The following CEP128 variants were observed in gnomAD, a reference collection of about 807,000 sequenced individuals.
The protein encoded by CEP128 is centrosomal protein 128kDa.
CEP128 carries 132 observed loss-of-function variants against 156.7 expected under a neutral mutation model. That is an observed-to-expected ratio of 0.84 (90% confidence interval 0.73 to 0.97). CEP128 has a LOEUF of 0.97. Ranked by LOEUF, CEP128 falls within the 50% of genes least tolerant of loss-of-function variation. The pLI is 0.00. For missense variants in CEP128, 1,252 were observed against 1,281.9 expected, an observed-to-expected ratio of 0.98 and a Z score of 0.36; for synonymous variants, 469 against 448.9, an observed-to-expected ratio of 1.04 and a Z score of -0.57.
chr14:80,748,707 G>A (rs1171023439), intron 18 of CEP128, among the ~76,000 whole-genome samples: 1 of 152,154 alleles, frequency 6.6e-6, no homozygotes, highest in African/African-American at 2.4e-5. Context: ...GTGTTACCCT[G>A]TGTACTCTCA....
chr14:80,819,336 T>A (rs1448815800), intron 13 of CEP128, among the ~76,000 whole-genome samples: 1 of 142,796 alleles, frequency 7.0e-6, no homozygotes, highest in African/African-American at 2.6e-5. Flanking sequence ...AACCTCCGTC[T>A]CCCGGGTTCA....
chr14:80,763,841 T>C (rs1045008385), intron 16 of CEP128, among the ~76,000 whole-genome samples: 8 of 152,292 alleles, frequency 5.3e-5, no homozygotes, highest in Non-Finnish European at 1.0e-4. Context: ...CTTATAACCT[T>C]GGAGGCTACT....
At chr14:80,542,016 G>C (rs1368014949) in intron 21 of CEP128, among the ~76,000 whole-genome samples, 1 of 152,218 alleles carries the variant, frequency 6.6e-6, no homozygotes, top group Non-Finnish European at 1.5e-5. Context: ...CATGTAAAGT[G>C]CTTAGAGCAG....
At chr14:80,781,635 G>T (rs1043227582) in intron 15 of CEP128, among the ~76,000 whole-genome samples, 5 of 151,998 alleles carry the variant, frequency 3.3e-5, no homozygotes, top group Non-Finnish European at 7.4e-5. Flanking sequence ...AGTATCCGGG[G>T]GGCTAAAGGA....
At chr14:80,920,221 T>C (rs926345788) in intron 2 of CEP128, among the ~76,000 whole-genome samples, 2 of 152,196 alleles carry the variant, frequency 1.3e-5, no homozygotes, top group Non-Finnish European at 2.9e-5. Flanking sequence ...AGAAGGCAGC[T>C]ATAGTGGCAG....
At chr14:80,779,495 T>G (rs1395626214) in intron 15 of CEP128, among the ~76,000 whole-genome samples, 2 of 152,234 alleles carry the variant, frequency 1.3e-5, no homozygotes, top group Non-Finnish European at 2.9e-5. Context: ...ATGCTTTTAC[T>G]TTTCTTTATG....
At chr14:80,549,787 G>T (rs188153576) in intron 21 of CEP128, among the ~76,000 whole-genome samples, 171 of 152,180 alleles carry the variant, frequency 1.1e-3, no homozygotes, top group Non-Finnish European at 1.9e-3. Flanking sequence ...CTTCAACTTC[G>T]GTGCCTGTAG....
chr14:80,733,153 C>T (rs970610444), intron 19 of CEP128, among the ~76,000 whole-genome samples: 2 of 152,148 alleles, frequency 1.3e-5, no homozygotes, highest in African/African-American at 2.4e-5. Flanking sequence ...TCTGCATGAA[C>T]GTCTTCAAAC....
At chr14:80,926,483 T>G (rs1240545104) in intron 2 of CEP128, among the ~76,000 whole-genome samples, 2 of 152,150 alleles carry the variant, frequency 1.3e-5, no homozygotes, top group African/African-American at 4.8e-5. Context: ...CTAATCCCCA[T>G]TGGAGCCACT....
At chr14:80,670,891 T>C (rs7146399) in intron 19 of CEP128, among the ~76,000 whole-genome samples, 2,186 of 152,278 alleles carry the variant, frequency 0.014, 62 homozygotes, top group African/African-American at 0.05. Context: ...ATGGAGGATT[T>C]TTTATCAGTG....
At chr14:80,763,915 T>C (rs1211675312) in intron 16 of CEP128, among the ~76,000 whole-genome samples, 1 of 152,208 alleles carries the variant, frequency 6.6e-6, no homozygotes, top group African/African-American at 2.4e-5. Context: ...AGTATTTTCA[T>C]GGTCTGATAG....
intron 19 of CEP128, among the ~76,000 whole-genome samples, chr14:80,581,686 T>C (rs1891599494): frequency 6.6e-6 from 1 of 152,184 alleles, no homozygotes; most frequent in Non-Finnish European, 1.5e-5. Context: ...ATCAGGTACG[T>C]CAAAAAAGTA....
At chr14:80,844,877 T>TGAAC (rs1042304088) in intron 9 of CEP128, among the ~76,000 whole-genome samples, 38 of 90,096 alleles carry the variant, frequency 4.2e-4, no homozygotes, top group African/African-American at 1.5e-3. Context: ...TTTTCTCCAA[T>TGAAC]GAACAAACTT....
chr14:80,634,558 C>CATT (rs1894102678), intron 19 of CEP128, among the ~76,000 whole-genome samples: 1 of 151,956 alleles, frequency 6.6e-6, no homozygotes, highest in Non-Finnish European at 1.5e-5. Context: ...GCTTAGTAGG[C>CATT]ATTTTTTCCA....
chr14:80,560,424 C>CA (rs960161171), intron 20 of CEP128, among the ~76,000 whole-genome samples: 5 of 151,664 alleles, frequency 3.3e-5, no homozygotes, highest in South Asian at 2.1e-4. Context: ...GACTACACCT[C>CA]AAAAAAATAA....
At chr14:80,718,936 T>C (rs1273482587) in intron 19 of CEP128, among the ~76,000 whole-genome samples, 1 of 152,198 alleles carries the variant, frequency 6.6e-6, no homozygotes, top group Non-Finnish European at 1.5e-5. Flanking sequence ...ACATGAAATA[T>C]GGTTTCTGAC....
At chr14:80,898,769 C>T (rs1889462691) in intron 7 of CEP128, among the ~76,000 whole-genome samples, 1 of 152,110 alleles carries the variant, frequency 6.6e-6, no homozygotes, top group East Asian at 1.9e-4. Flanking sequence ...TTAACTAAGT[C>T]TTACCAGTTT....
intron 12 of CEP128, among the ~76,000 whole-genome samples, chr14:80,833,995 T>G (rs989866551): frequency 3.3e-5 from 5 of 152,136 alleles, no homozygotes; most frequent in Admixed American, 2.6e-4. Flanking sequence ...AATTCAGCTG[T>G]GTATCAACAT....
rs150832073 is a variant in CEP128 at position 80,885,722 on chromosome 14, C to T, written c.645+9996G>A. 1.6e-3 allele frequency among the ~76,000 whole-genome samples: 251 copies of T among 152,190 alleles called. 3 individuals are homozygous for T. The highest frequency in any genetic ancestry group is 5.8e-3 in the African/African-American group (240 of 41,536). ...TCCAAAAACCAGAATGACTCTTGTC[C>T]TCCAAATGATCGCAACTCCTCTCCA... is the stretch of plus-strand genomic sequence containing the variant. On this transcript the variant is annotated intron_variant, in intron 8 of 24. Transcript: ENST00000555265.
Sources: allele counts gnomAD v4.1 joint callset (sites outside exome capture counted in the v4.1 genomes callset), GRCh38; gene constraint gnomAD v4.1.1; transcripts MANE v1.5; gene names NCBI Gene and HGNC (gene_info 2026-07-23, HGNC 2026-07-21).